CD86: variants seen among roughly 807,000 people sequenced by gnomAD.
CD86 encodes T-lymphocyte activation antigen CD86.
A neutral mutation model predicts 32.1 loss-of-function variants in CD86; 11 were observed. The ratio of observed to expected loss-of-function variants is 0.34; its 90% CI spans 0.22 to 0.57. The LOEUF (loss-of-function observed/expected upper bound fraction) is 0.57, where lower values mean the gene tolerates loss of function less well. CD86 is among the 20% of genes least tolerant of loss of function. CD86 has a pLI of 0.86. For missense variants in CD86, 359 were observed against 398.4 expected, an observed-to-expected ratio of 0.90 and a Z score of 0.84; for synonymous variants, 137 against 135.3, an observed-to-expected ratio of 1.01 and a Z score of -0.09.
intron 1 of CD86, among the ~76,000 whole-genome samples, chr3:122,090,795 G>A (rs890793276): frequency 6.6e-6 from 1 of 152,206 alleles, no homozygotes; most frequent in African/African-American, 2.4e-5. Context: ...AGGTTATAAA[G>A]CAAAGCATAT....
At chr3:122,065,801 G>C (rs545590388) in intron 1 of CD86, among the ~76,000 whole-genome samples, 28 of 152,246 alleles carry the variant, frequency 1.8e-4, no homozygotes, top group African/African-American at 6.3e-4. Flanking sequence ...CTAAGGAAAA[G>C]GCCGTTTGCA....
chr3:122,111,121 A>G (rs2073165502), intron 5 of CD86, among the ~76,000 whole-genome samples: 1 of 152,224 alleles, frequency 6.6e-6, no homozygotes, highest in African/African-American at 2.4e-5. Flanking sequence ...TAAGAATGTA[A>G]TGAAGAATAT....
intron 5 of CD86, among the ~76,000 whole-genome samples, chr3:122,116,710 G>T (rs1245694572): frequency 6.6e-6 from 1 of 152,148 alleles, no homozygotes; most frequent in African/African-American, 2.4e-5. Context: ...CAAAGCTATA[G>T]AAAGGAATGG....
intron 1 of CD86, among the ~76,000 whole-genome samples, chr3:122,058,966 G>A (rs1446574368): frequency 2.0e-5 from 3 of 152,146 alleles, no homozygotes; most frequent in African/African-American, 4.8e-5. Context: ...GACACTGGGA[G>A]AGGAGGAGAG....
intron 1 of CD86, among the ~76,000 whole-genome samples, chr3:122,062,520 AG>A (rs2072353860): frequency 6.6e-6 from 1 of 152,168 alleles, no homozygotes; most frequent in Non-Finnish European, 1.5e-5. Context: ...AATATATCAA[AG>A]GTGATTTTTT....
chr3:122,118,316 T>G (rs2073288360), intron 6 of CD86, among the ~76,000 whole-genome samples: 1 of 152,200 alleles, frequency 6.6e-6, no homozygotes, highest in Non-Finnish European at 1.5e-5. Flanking sequence ...AGCTCTGTCA[T>G]GGTCAAGTAA....
chr3:122,062,012 G>A (rs371840489), intron 1 of CD86, among the ~76,000 whole-genome samples: 12 of 151,622 alleles, frequency 7.9e-5, no homozygotes, highest in African/African-American at 2.2e-4. Context: ...CTGGGTGAAG[G>A]TACACAGGAC....
chr3:122,102,107 A>G lies in CD86; in HGVS notation c.65-1405A>G, dbSNP rs1270163336. Among the ~76,000 whole-genome samples, 14 of 152,144 alleles carry G rather than the reference A, an allele frequency of 9.2e-5. No individual in the cohort carries two copies. The East Asian group carries it at 2.3e-3, about 25-fold the overall frequency. ...CACTGGGCCACTCTGTACACAGTTT[A>G]GTTTGACAAGTGCATGTCACTGTTA... On this transcript the variant is annotated intron_variant, in intron 2 of 6. Coordinates refer to ENST00000330540, the MANE Select transcript of CD86 (RefSeq NM_175862.5).
At chr3:122,060,824 G>A (rs998779624) in intron 1 of CD86, among the ~76,000 whole-genome samples, 2 of 152,050 alleles carry the variant, frequency 1.3e-5, no homozygotes, top group Non-Finnish European at 2.9e-5. Flanking sequence ...TGAGATTTGA[G>A]GCTTCGCAGA....
chr3:122,110,001 C>A (rs781603082), intron 5 of CD86, among the ~76,000 whole-genome samples: 1 of 152,168 alleles, frequency 6.6e-6, no homozygotes, highest in African/African-American at 2.4e-5. Context: ...ATTTTTGGTG[C>A]CTATCTTTAA....
chr3:122,101,047 C>A (rs1216137774), intron 2 of CD86, among the ~76,000 whole-genome samples: 1 of 152,056 alleles, frequency 6.6e-6, no homozygotes, highest in African/African-American at 2.4e-5. Flanking sequence ...TGGTGAGGTG[C>A]TATGGAGTAT....
At chr3:122,105,406 C>T (rs752930590) in intron 3 of CD86, among the ~76,000 whole-genome samples, 1 of 152,044 alleles carries the variant, frequency 6.6e-6, no homozygotes, top group Non-Finnish European at 1.5e-5. Context: ...AGTAAGAATA[C>T]ACTAAATTAT....
rs146487012 is a variant in CD86, at chr3:122,063,632, G to A, written c.14+8129G>A. Among the ~76,000 whole-genome samples, 831 of 147,802 alleles carry A rather than the reference G, an allele frequency of 5.6e-3. 7 individuals carry two copies. The highest frequency in any genetic ancestry group is 0.02 in the African/African-American group (792 of 39,888). On this transcript the variant is annotated intron_variant, in intron 1 of 6. Coordinates refer to ENST00000330540, the MANE Select transcript of CD86 (RefSeq NM_175862.5). ...TTTTTAAAGACAGAGTCTCACTCAC[G>A]TTGTCACCTAGGCTGGAGTGCAGTA...
chr3:122,110,708 ATATAAAAG>A (rs771802991), intron 5 of CD86, among the ~76,000 whole-genome samples: 5 of 152,216 alleles, frequency 3.3e-5, no homozygotes, highest in Non-Finnish European at 5.9e-5. Flanking sequence ...GATTTCTATG[ATATAAAAG>A]TATAAAATTC....
At position 122,103,462 on chromosome 3, in the gene CD86, TCCCC is replaced by T. The variant is rs1237428104; in HGVS notation, c.65-49_65-46del. ...TGTATAAAGAGAAATGGAGGTTTTTTCCCCTTTCCTCTTGTTTCTCCCTCCCTAA... is the reference window on the plus strand; with the variant it reads ...TGTATAAAGAGAAATGGAGGTTTTTTTTTCCTCTTGTTTCTCCCTCCCTAA... On this transcript the variant is annotated intron_variant, in intron 2 of 6. Coordinates refer to ENST00000330540, the MANE Select transcript of CD86 (RefSeq NM_175862.5). The T allele has an allele frequency of 6.4e-6, 8 of 1,254,932 alleles. No individual in the cohort carries two copies. In the Admixed American group the frequency reaches 1.1e-4, roughly 17 times the overall value. 77.7% of individuals were successfully genotyped at this position (1,254,932 alleles called of 1,614,324 possible). A position where few individuals can be genotyped will look rare whatever the true frequency, so the allele number is the denominator to read the frequency against.
chr3:122,074,189 C>T (rs886349466), intron 1 of CD86, among the ~76,000 whole-genome samples: 1 of 152,206 alleles, frequency 6.6e-6, no homozygotes, highest in Non-Finnish European at 1.5e-5. Flanking sequence ...AGGCATGAGC[C>T]ATCACACCTG....
intron 6 of CD86, among the ~76,000 whole-genome samples, chr3:122,118,948 C>T (rs1000050127): frequency 6.6e-6 from 1 of 152,198 alleles, no homozygotes; most frequent in Non-Finnish European, 1.5e-5. Flanking sequence ...AAGGCTCTGA[C>T]TGCATACCCA....
rs373775308 is a variant in CD86, at chr3:122,072,000, G to A, written c.14+16497G>A. Among the ~76,000 whole-genome samples, 102 of 150,166 alleles carry A rather than the reference G, an allele frequency of 6.8e-4. 1 individual carries two copies. The East Asian group carries it at 0.018, about 26-fold the overall frequency. ...CGGTGTTTGGTTTTTTGTCCTTGCG[G>A]TAGTTTACTGAGAATGATGATTTCC... On this transcript the variant is annotated intron_variant, in intron 1 of 6. Transcript: ENST00000330540.
At position 122,118,086 on chromosome 3, in the gene CD86, A is replaced by G; in HGVS notation, c.886A>G (p.Lys296Glu). 2 of 1,608,282 alleles carry G rather than the reference A, an allele frequency of 1.2e-6. No individual in the cohort carries two copies. Among genetic ancestry groups the G allele is most frequent in the Non-Finnish European group, 1.7e-6 (2 of 1,178,284 alleles). The part of the protein sequence containing the change: ...TMEREESEQT[K>E]KREKIHIPER... ...GGAGAGGGAAGAGAGTGAACAGACC[A>G]AGAAAAGGTAAATCCTGACCCTGAG... Residue 296 changes from lysine (K) to glutamate (E), a missense_variant, in exon 6 of 7, where the codon AAG (lysine) becomes GAG (glutamate). Physicochemically the swap from Lys to Glu is moderately conservative, Grantham distance 56 (BLOSUM62 1). Transcript: ENST00000330540.
Sources: allele counts gnomAD v4.1 joint callset (sites outside exome capture counted in the v4.1 genomes callset), GRCh38; gene constraint gnomAD v4.1.1; transcripts MANE v1.5; gene names NCBI Gene and HGNC (gene_info 2026-07-23, HGNC 2026-07-21).